RBFOX2: variants seen among roughly 807,000 people sequenced by gnomAD.
RBFOX2 encodes the protein RNA binding fox-1 homolog 2.
In RBFOX2, 10 loss-of-function variants were observed where a neutral mutation model predicts 49.1. The observed-to-expected ratio is 0.20, with a 90% CI of 0.13 to 0.35. RBFOX2 has a LOEUF of 0.35. Ranked by LOEUF, RBFOX2 falls within the 10% of genes least tolerant of loss-of-function variation. RBFOX2 has a pLI of 1.00. For missense variants in RBFOX2, 323 were observed against 486.9 expected, an observed-to-expected ratio of 0.66 and a Z score of 3.17; for synonymous variants, 183 against 187.4, an observed-to-expected ratio of 0.98 and a Z score of 0.19.
intron 1 of RBFOX2, among the ~76,000 whole-genome samples, chr22:35,856,644 A>G (rs1375646860): frequency 6.6e-6 from 1 of 150,758 alleles, no homozygotes; most frequent in East Asian, 1.9e-4. Context: ...AAAAAAAAAA[A>G]GAGCAAAAGA....
chr22:35,782,805 T>A (rs1945477313), intron 2 of RBFOX2, among the ~76,000 whole-genome samples: 1 of 152,218 alleles, frequency 6.6e-6, no homozygotes, highest in Non-Finnish European at 1.5e-5. Flanking sequence ...AATGCAAGAT[T>A]TGCACATACC....
chr22:35,880,724 A>T (rs1406628926), intron 1 of RBFOX2, among the ~76,000 whole-genome samples: 1 of 152,180 alleles, frequency 6.6e-6, no homozygotes, highest in Non-Finnish European at 1.5e-5. Context: ...TTATAAACCT[A>T]AGATTCACTG....
At chr22:35,847,583 G>C (rs1481534373) in intron 1 of RBFOX2, among the ~76,000 whole-genome samples, 2 of 151,856 alleles carry the variant, frequency 1.3e-5, no homozygotes, top group African/African-American at 4.8e-5. Context: ...TAAATGCACT[G>C]AAAAAAACTG....
intron 2 of RBFOX2, among the ~76,000 whole-genome samples, chr22:35,783,487 G>A (rs1273613170): frequency 3.3e-5 from 5 of 151,804 alleles, no homozygotes; most frequent in African/African-American, 1.2e-4. Flanking sequence ...GGTGTGGTGG[G>A]TGGGAAAAAC....
rs74913329 is a variant in RBFOX2, at chr22:35,864,349, T to C, written c.-33-54345A>G. ...CCCATGACCTGAAACCACTATAATA[T>C]AGCAATTTAAGGAATTTACATAAGT... On this transcript the variant is annotated intron_variant, in intron 1 of 13. Coordinates refer to the RBFOX2 transcript ENST00000359369. 5.1e-3 allele frequency among the ~76,000 whole-genome samples: 773 copies of C among 152,246 alleles called. 10 individuals carry two copies. Among genetic ancestry groups the C allele is most frequent in the African/African-American group, 0.016 (670 of 41,552 alleles).
upstream of RBFOX2, among the ~76,000 whole-genome samples, chr22:35,964,985 A>G (rs1465798048): frequency 6.6e-6 from 1 of 152,252 alleles, no homozygotes; most frequent in Non-Finnish European, 1.5e-5. Flanking sequence ...CTTTCTTCCA[A>G]TACTTACTGA....
At position 35,921,448 on chromosome 22, in the gene RBFOX2, G is replaced by A. The variant is rs149925796; in HGVS notation, c.-34+17399C>T. ...GTAAGTTCCCAGGTGATGCTGATGC[G>A]GCTGGATTTGAAGCCACACTTTGAG... is the stretch of plus-strand genomic sequence containing the variant. On this transcript the variant is annotated intron_variant, in intron 1 of 13. Transcript: ENST00000359369. 1.7e-3 allele frequency among the ~76,000 whole-genome samples: 261 copies of A among 152,318 alleles called. 1 individual carries two copies. Among genetic ancestry groups the A allele is most frequent in the Non-Finnish European group, 2.7e-3 (182 of 68,028 alleles).
chr22:35,761,933 C>T (rs1338439685), intron 6 of RBFOX2, among the ~76,000 whole-genome samples: 1 of 152,110 alleles, frequency 6.6e-6, no homozygotes, highest in African/African-American at 2.4e-5. Flanking sequence ...CAACCTAGAT[C>T]TTTGACTCCA....
chr22:35,880,210 A>T (rs2045703938), intron 1 of RBFOX2, among the ~76,000 whole-genome samples: 1 of 152,188 alleles, frequency 6.6e-6, no homozygotes, highest in South Asian at 2.1e-4. Flanking sequence ...TTTGAAAGGC[A>T]GAACCTAAAG....
chr22:35,966,260 C>T (rs983665575), upstream of RBFOX2, among the ~76,000 whole-genome samples: 5 of 152,084 alleles, frequency 3.3e-5, no homozygotes, highest in South Asian at 6.2e-4. Flanking sequence ...TGTTGAAAGG[C>T]CTCTGTGCCA....
chr22:36,009,237 G>A (rs1603465982), intron 1 of RBFOX2, among the ~76,000 whole-genome samples: 1 of 152,156 alleles, frequency 6.6e-6, no homozygotes, highest in African/African-American at 2.4e-5. Flanking sequence ...ACAAAAAACT[G>A]TAATGACTCA....
At chr22:36,013,097 A>G (rs1028677505) in intron 1 of RBFOX2, among the ~76,000 whole-genome samples, 1 of 152,128 alleles carries the variant, frequency 6.6e-6, no homozygotes, top group Non-Finnish European at 1.5e-5. Flanking sequence ...TCCTGGGCAC[A>G]AGGCTACAAA....
intron 1 of RBFOX2, among the ~76,000 whole-genome samples, chr22:35,863,918 A>G (rs2043382099): frequency 6.6e-6 from 1 of 152,186 alleles, no homozygotes; most frequent in Non-Finnish European, 1.5e-5. Flanking sequence ...AAGCATGCAT[A>G]TATACAATTA....
chr22:35,894,059 T>C (rs538355331), intron 1 of RBFOX2, among the ~76,000 whole-genome samples: 48 of 152,126 alleles, frequency 3.2e-4, no homozygotes, highest in Non-Finnish European at 6.5e-4. Context: ...CCCTGACATT[T>C]CTCTAAAAGT....
chr22:35,942,917 C>T (rs1424604472), upstream of RBFOX2, among the ~76,000 whole-genome samples: 3 of 152,126 alleles, frequency 2.0e-5, no homozygotes, highest in Non-Finnish European at 4.4e-5. Flanking sequence ...TTTCTTACTG[C>T]TTTATAACTT....
chr22:35,842,781 C>T (rs1297308117), upstream of RBFOX2, among the ~76,000 whole-genome samples: 1 of 151,874 alleles, frequency 6.6e-6, no homozygotes, highest in African/African-American at 2.4e-5. Context: ...TGGAAAGAGA[C>T]AAGGCCCCAA....
At chr22:35,971,567 G>C (rs1319272135) in intron 1 of RBFOX2, among the ~76,000 whole-genome samples, 1 of 151,914 alleles carries the variant, frequency 6.6e-6, no homozygotes, top group Non-Finnish European at 1.5e-5. Flanking sequence ...ATATGTTTAT[G>C]TTTATATATA....
chr22:35,952,414 T>C (rs1294362919), intron 1 of RBFOX2, among the ~76,000 whole-genome samples: 1 of 152,188 alleles, frequency 6.6e-6, no homozygotes, highest in African/African-American at 2.4e-5. Context: ...ATACACCAAG[T>C]ACTTTGTTAA....
At chr22:35,972,601 C>T (rs143368981) in intron 1 of RBFOX2, among the ~76,000 whole-genome samples, 16 of 152,306 alleles carry the variant, frequency 1.1e-4, no homozygotes, top group African/African-American at 3.6e-4. Flanking sequence ...AAGGCAGATT[C>T]TTTCCAGCAC....
Sources: allele counts gnomAD v4.1 joint callset (sites outside exome capture counted in the v4.1 genomes callset), GRCh38; gene constraint gnomAD v4.1.1; transcripts MANE v1.5; gene names NCBI Gene and HGNC (gene_info 2026-07-23, HGNC 2026-07-21).